Variants in PHACTR1 observed in about 807,000 individuals in gnomAD.
PHACTR1 encodes the protein RPEL repeat containing 1.
A neutral mutation model predicts 69.2 loss-of-function variants in PHACTR1; 16 were observed. The ratio of observed to expected loss-of-function variants is 0.23; its 90% CI spans 0.16 to 0.35. PHACTR1 has a LOEUF of 0.35. Among genes scored for constraint, PHACTR1 ranks in the 10% least tolerant of loss-of-function variants. The pLI is 1.00. For synonymous variants in PHACTR1, 312 were observed against 284.5 expected (o/e 1.10, Z -0.97); for missense variants, 510 against 734.7 (o/e 0.69, Z 3.54).
chr6:13,012,358 G>T (rs1799538619), intron 4 of PHACTR1, among the ~76,000 whole-genome samples: 1 of 152,222 alleles, frequency 6.6e-6, no homozygotes, highest in Non-Finnish European at 1.5e-5. Context: ...GACTAGCAAA[G>T]ACCTGCCTTT....
At chr6:12,898,794 G>T (rs1784925249) in intron 4 of PHACTR1, among the ~76,000 whole-genome samples, 1 of 152,184 alleles carries the variant, frequency 6.6e-6, no homozygotes, top group African/African-American at 2.4e-5. Flanking sequence ...CTTAGCTTAT[G>T]CTCTGTGAGG....
chr6:13,036,189 A>G (rs1023682127), intron 4 of PHACTR1, among the ~76,000 whole-genome samples: 3 of 152,126 alleles, frequency 2.0e-5, no homozygotes, highest in African/African-American at 7.2e-5. Flanking sequence ...AAAATTGTCT[A>G]TAACTTTATC....
At chr6:12,924,659 C>T (rs925350523) in intron 4 of PHACTR1, among the ~76,000 whole-genome samples, 6 of 151,518 alleles carry the variant, frequency 4.0e-5, no homozygotes, top group Non-Finnish European at 8.8e-5. Flanking sequence ...CCTGTAGTCC[C>T]AGCTACTCGG....
At position 12,749,738 on chromosome 6, in the gene PHACTR1, G is replaced by C. The variant is rs1766330841; in HGVS notation, c.198G>C (p.Lys66Asn). The C allele has an allele frequency of 6.2e-7, 1 of 1,611,914 alleles. No individual in the cohort carries two copies. Among genetic ancestry groups the C allele is most frequent in the South Asian group, 1.1e-5 (1 of 91,056 alleles). The change falls in exon 4 of 15, where the codon AAG becomes AAC. Residue 66 changes from lysine (K) to asparagine (N), a missense_variant. Lys to Asn is a moderately conservative substitution (Grantham distance 94, BLOSUM62 0). Transcript: ENST00000332995. ...GGCCCATCCGGAGAGTGCGCTCCAAGAGCGACACGCCGTACCTCGCAGAGG... is the reference window on the plus strand; with the variant it reads ...GGCCCATCCGGAGAGTGCGCTCCAACAGCGACACGCCGTACCTCGCAGAGG... ...DRRPIRRVRS[K>N]SDTPYLAEAR...
intron 4 of PHACTR1, among the ~76,000 whole-genome samples, chr6:12,919,724 T>A (rs1378742211): frequency 1.3e-5 from 2 of 152,222 alleles, no homozygotes; most frequent in African/African-American, 4.8e-5. Context: ...TCATTTTATG[T>A]GTAGAGAGTT....
In PHACTR1 at chr6:13,283,100, T is replaced by C. The variant is rs1447222576; in HGVS notation, c.1510-322T>C. ...GCTGGTGATAATACACCAAATTCAT[T>C]ACATTAGTCTCCTTCCTTGTTTTGA... On this transcript the variant is annotated intron_variant, in intron 12 of 14. Transcript: ENST00000332995. The surrounding 1 kb of genome is among the most constrained non-coding windows in gnomAD (Gnocchi z 4.7). Among the ~76,000 whole-genome samples the C allele has an allele frequency of 2.0e-5, 3 of 152,152 alleles. No individual in the cohort carries two copies. Among genetic ancestry groups the C allele is most frequent in the Non-Finnish European group, 2.9e-5 (2 of 68,026 alleles).
chr6:13,207,304 G>A (rs185753283), intron 8 of PHACTR1, among the ~76,000 whole-genome samples: 8 of 152,294 alleles, frequency 5.3e-5, no homozygotes. Context: ...GCAGGTGTTG[G>A]AGGGAAACAA....
rs906910151 is a variant in PHACTR1 at position 13,179,386 on chromosome 6, G to A, written c.497-3133G>A. 1.4e-5 allele frequency among the ~76,000 whole-genome samples: 2 copies of A among 145,226 alleles called. No homozygotes were observed. The highest frequency in any genetic ancestry group is 5.1e-5 in the African/African-American group (2 of 38,974). ...CTTAGCTTAATGATGGGTATATACAGCCCATTACATTAATGTTTCGTGTGT... is the reference window on the plus strand; with the variant it reads ...CTTAGCTTAATGATGGGTATATACAACCCATTACATTAATGTTTCGTGTGT... On this transcript the variant is annotated intron_variant, in intron 6 of 14. Transcript: ENST00000332995. The surrounding 1 kb of genome is among the most constrained non-coding windows in gnomAD (Gnocchi z 4.2).
At chr6:13,075,866 CAA>C (rs899555262) in intron 5 of PHACTR1, among the ~76,000 whole-genome samples, 3 of 152,016 alleles carry the variant, frequency 2.0e-5, no homozygotes, top group Non-Finnish European at 4.4e-5. Context: ...GCTTGGAAAA[CAA>C]AATACTGTAA....
At chr6:13,183,330 A>G (rs1762422414) in intron 7 of PHACTR1, among the ~76,000 whole-genome samples, 1 of 151,902 alleles carries the variant, frequency 6.6e-6, no homozygotes, top group East Asian at 1.9e-4. Context: ...GAGCAGTGGT[A>G]CTTGTCAGGA....
chr6:12,797,254 C>A (rs1773140275), intron 4 of PHACTR1, among the ~76,000 whole-genome samples: 1 of 152,090 alleles, frequency 6.6e-6, no homozygotes, highest in African/African-American at 2.4e-5. Flanking sequence ...CAAGTGCTTC[C>A]AGTGGCTCCA....
chr6:13,071,439 A>C (rs951996443), intron 5 of PHACTR1, among the ~76,000 whole-genome samples: 1 of 152,070 alleles, frequency 6.6e-6, no homozygotes, highest in African/African-American at 2.4e-5. Flanking sequence ...AAAAAAAAAG[A>C]AAGTTGTACA....
chr6:13,195,779 A>AG (rs1554153384), intron 7 of PHACTR1, among the ~76,000 whole-genome samples: 8 of 118,584 alleles, frequency 6.7e-5, no homozygotes, highest in Non-Finnish European at 1.1e-4. Flanking sequence ...AAAAAAAAAA[A>AG]AGTTCATTTG....
intron 4 of PHACTR1, among the ~76,000 whole-genome samples, chr6:12,784,495 CAT>C (rs1771264688): frequency 6.6e-6 from 1 of 151,198 alleles, no homozygotes; most frequent in South Asian, 2.1e-4. Flanking sequence ...CATATACACA[CAT>C]ATATACATAT....
intron 10 of PHACTR1, chr6:13,267,390 T>C (rs68050381): frequency 4.6e-5 from 7 of 152,100 alleles, no homozygotes; most frequent in African/African-American, 1.7e-4. Context: ...CTCCAGGGAA[T>C]AGAGTCAATG....
chr6:13,175,956 A>G (rs1363037097), intron 6 of PHACTR1, among the ~76,000 whole-genome samples: 2 of 152,058 alleles, frequency 1.3e-5, no homozygotes, highest in Non-Finnish European at 2.9e-5. Context: ...ACACGGGTCC[A>G]GGGCAGGAGG....
rs114476712 is a variant in PHACTR1 at position 12,811,073 on chromosome 6, A to G, written c.250+61283A>G. Among the ~76,000 whole-genome samples the G allele has an allele frequency of 4.2e-3, 632 of 152,272 alleles. 4 individuals carry two copies. The highest frequency in any genetic ancestry group is 0.015 in the African/African-American group (611 of 41,552). On this transcript the variant is annotated intron_variant, in intron 4 of 14. Transcript: ENST00000332995. ...TCTTCCATAGCCTGTCCAATACAAG[A>G]TTGATTTCTTAGGTTATTTCGTGGG...
intron 12 of PHACTR1, among the ~76,000 whole-genome samples, chr6:13,278,530 GT>G (rs1305370209): frequency 1.3e-5 from 2 of 152,206 alleles, no homozygotes; most frequent in Non-Finnish European, 2.9e-5. Flanking sequence ...ACTCAATGTT[GT>G]TTGATTTTGT....
intron 4 of PHACTR1, among the ~76,000 whole-genome samples, chr6:12,758,598 A>G (rs1767650352): frequency 6.6e-6 from 1 of 152,134 alleles, no homozygotes; most frequent in South Asian, 2.1e-4. Context: ...GTGGAAATAA[A>G]TCACAGAGAA....
Sources: allele counts gnomAD v4.1 joint callset (sites outside exome capture counted in the v4.1 genomes callset), GRCh38; gene constraint gnomAD v4.1.1; non-coding constraint Gnocchi (gnomAD v3.1); transcripts MANE v1.5; gene names NCBI Gene and HGNC (gene_info 2026-07-23, HGNC 2026-07-21).